TDRD7: variants seen among roughly 807,000 people sequenced by gnomAD.
TDRD7 encodes the protein tudor domain-containing protein 7.
A neutral mutation model predicts 109.8 loss-of-function variants in TDRD7; 47 were observed. That is an observed-to-expected ratio of 0.43 (90% CI 0.34 to 0.55). TDRD7 has a LOEUF of 0.55. Among genes scored for constraint, TDRD7 ranks in the 20% least tolerant of loss-of-function variants. The pLI is 0.03. For missense variants in TDRD7, 1,164 were observed against 1,319.2 expected, an observed-to-expected ratio of 0.88 and a Z score of 1.82; for synonymous variants, 424 against 457.3, an observed-to-expected ratio of 0.93 and a Z score of 0.93.
intron 6 of TDRD7, among the ~76,000 whole-genome samples, chr9:97,450,248 A>G (rs1185463875): frequency 6.6e-6 from 1 of 152,140 alleles, no homozygotes; most frequent in Admixed American, 6.5e-5. Context: ...TTTTGGGTGG[A>G]CATTCAGAAC....
chr9:97,485,513 T>G (rs1564215998), intron 15 of TDRD7, among the ~76,000 whole-genome samples: 1 of 152,242 alleles, frequency 6.6e-6, no homozygotes, highest in Non-Finnish European at 1.5e-5. Flanking sequence ...CTGTACAATT[T>G]TAAGATGACG....
At chr9:97,435,280 G>A (rs1444499660) in intron 4 of TDRD7, among the ~76,000 whole-genome samples, 1 of 152,052 alleles carries the variant, frequency 6.6e-6, no homozygotes, top group Admixed American at 6.6e-5. Context: ...GGACCTCTAA[G>A]TACACTTTTT....
At chr9:97,428,417 C>T (rs977179902) in intron 1 of TDRD7, 43 bp from the exon 2 acceptor site, 12 of 1,575,950 alleles carry the variant, frequency 7.6e-6, no homozygotes, top group African/African-American at 5.4e-5. Context: ...AATTCACAAA[C>T]GAATGAGCCA....
chr9:97,472,003 AT>A (rs1828924273), intron 9 of TDRD7, among the ~76,000 whole-genome samples: 1 of 152,180 alleles, frequency 6.6e-6, no homozygotes. Context: ...GTGTTCATGT[AT>A]AAAGTGAAGA....
chr9:97,462,451 C>T (rs1224820309), intron 7 of TDRD7, among the ~76,000 whole-genome samples: 1 of 152,172 alleles, frequency 6.6e-6, no homozygotes, highest in Non-Finnish European at 1.5e-5. Flanking sequence ...TTATTGGCTT[C>T]TGCCCTCCCC....
At chr9:97,451,497 C>T (rs111509749) in intron 6 of TDRD7, among the ~76,000 whole-genome samples, 36 of 152,218 alleles carry the variant, frequency 2.4e-4, no homozygotes, top group African/African-American at 6.3e-4. Flanking sequence ...TATGTTGCCC[C>T]GGCTGGTCTT....
At chr9:97,490,786 T>C (rs1223874555) in intron 16 of TDRD7, among the ~76,000 whole-genome samples, 1 of 151,912 alleles carries the variant, frequency 6.6e-6, no homozygotes, top group Non-Finnish European at 1.5e-5. Flanking sequence ...AAAGTTTCTG[T>C]TGTCATATCC....
In TDRD7 at chr9:97,472,330, G is replaced by T. The variant is rs1251210738; in HGVS notation, c.1779G>T (p.Lys593Asn). Reference sequence around the variant, plus strand: ...TAAGCGATGACCCTGATCTAGTGAAGGTGGTTGAATCTTTAACTTGTGGAA... The same window carrying T: ...TAAGCGATGACCCTGATCTAGTGAATGTGGTTGAATCTTTAACTTGTGGAA... ...EVLSDDPDLV[K>N]VVESLTCGKI... The change falls in exon 10 of 17, where the codon AAG (lysine) becomes AAT (asparagine). Residue 593 changes from lysine to asparagine, a missense_variant. Physicochemically the swap from Lys to Asn is moderately conservative, Grantham distance 94. This residue lies in a region of TDRD7 where 261 missense variants were observed against 336.2 expected (regional missense o/e 0.78). Coordinates refer to ENST00000355295, the MANE Select transcript of TDRD7 (RefSeq NM_014290.3). 6 of 1,613,768 alleles carry T rather than the reference G, an allele frequency of 3.7e-6. No homozygotes were observed. Among genetic ancestry groups the T allele is most frequent in the Admixed American group, 1.7e-5 (1 of 59,972 alleles).
Position 97,423,789 on chromosome 9 carries a change from T to C in TDRD7, c.-6-4671T>C, listed in dbSNP as rs143644918. Among the ~76,000 whole-genome samples the C allele has an allele frequency of 8.0e-4, 122 of 152,262 alleles. No homozygotes were observed. The East Asian group carries it at 0.014, about 17-fold the overall frequency. On this transcript the variant is annotated intron_variant, in intron 1 of 16. Coordinates refer to ENST00000355295, the MANE Select transcript of TDRD7 (RefSeq NM_014290.3). The stretch of plus-strand genomic sequence containing the variant: ...CCCTTGGTTATTTAGAAGTATCTTG[T>C]TAAATTTGCATGGAGATTGTTCACA...
chr9:97,466,798 G>A (rs1828828536), intron 8 of TDRD7, among the ~76,000 whole-genome samples: 1 of 152,148 alleles, frequency 6.6e-6, no homozygotes, highest in Non-Finnish European at 1.5e-5. Flanking sequence ...GAGGTGGAGG[G>A]GGGCTAATTG....
chr9:97,479,040 G>A (rs778833805), intron 13 of TDRD7, among the ~76,000 whole-genome samples: 1 of 151,978 alleles, frequency 6.6e-6, no homozygotes, highest in Non-Finnish European at 1.5e-5. Context: ...ATTCATGAAT[G>A]TTCAGATGAT....
intron 6 of TDRD7, among the ~76,000 whole-genome samples, chr9:97,445,243 G>T (rs7042722): frequency 6.6e-6 from 1 of 151,958 alleles, no homozygotes; most frequent in African/African-American, 2.4e-5. Flanking sequence ...GGCTGTTCTA[G>T]AGCAGTAGTC....
chr9:97,465,327 A>AT (rs1828805228), intron 8 of TDRD7, among the ~76,000 whole-genome samples: 1 of 152,222 alleles, frequency 6.6e-6, no homozygotes, highest in African/African-American at 2.4e-5. Flanking sequence ...TATAATGAAT[A>AT]CTGACCAGAA....
intron 15 of TDRD7, among the ~76,000 whole-genome samples, chr9:97,486,579 C>T (rs959194996): frequency 2.0e-5 from 3 of 152,086 alleles, no homozygotes; most frequent in Non-Finnish European, 4.4e-5. Context: ...TTGTACAAAA[C>T]TGATTTGATC....
chr9:97,482,927 A>G lies in TDRD7; in HGVS notation c.2491A>G (p.Ser831Gly), dbSNP rs886063214. 1.2e-6 allele frequency: 2 copies of G among 1,614,238 alleles called. No individual in the cohort carries two copies. The highest frequency in any genetic ancestry group is 1.7e-6 in the Non-Finnish European group (2 of 1,180,038). Residue 831 changes from serine to glycine, a missense_variant, in exon 15 of 17, where the codon AGT (serine) becomes GGT (glycine). Physicochemically the swap from Ser to Gly is moderately conservative, Grantham distance 56 (BLOSUM62 0). Around this residue, in one of 5 missense-constraint regions of TDRD7, gnomAD observed 233 missense variants for 218.0 expected, o/e 1.07. Transcript: ENST00000355295. ...TPKNFPDPHR[S>G]INRQITNADL... Reference sequence around the variant, plus strand: ...TAAGAACTTCCCTGACCCTCATCGCAGTATTAATCGCCAGATTACAAATGC... The same window carrying G: ...TAAGAACTTCCCTGACCCTCATCGCGGTATTAATCGCCAGATTACAAATGC...
At chr9:97,493,700 C>G (rs1829343436) in intron 16 of TDRD7, among the ~76,000 whole-genome samples, 1 of 152,180 alleles carries the variant, frequency 6.6e-6, no homozygotes, top group African/African-American at 2.4e-5. Flanking sequence ...TTATTTCATC[C>G]CTACAGCAGT....
At chr9:97,456,336 T>C (rs943274627) in intron 6 of TDRD7, among the ~76,000 whole-genome samples, 1 of 152,230 alleles carries the variant, frequency 6.6e-6, no homozygotes, top group Non-Finnish European at 1.5e-5. Flanking sequence ...TTAAATTTCA[T>C]ATGGAATCAA....
chr9:97,413,703 C>G lies in TDRD7; in HGVS notation c.-7+1465C>G, dbSNP rs143690823. ...GCCCCTGGGGCCAGCTGGATTAGCACTCACATCTCCTGTGCCCCAATCCAG... is the reference window on the plus strand; with the variant it reads ...GCCCCTGGGGCCAGCTGGATTAGCAGTCACATCTCCTGTGCCCCAATCCAG... On this transcript the variant is annotated intron_variant, in intron 1 of 16. Coordinates refer to ENST00000355295, the MANE Select transcript of TDRD7 (RefSeq NM_014290.3). Among the ~76,000 whole-genome samples, 552 of 152,368 alleles carry G rather than the reference C, an allele frequency of 3.6e-3. 3 individuals carry two copies. The highest frequency in any genetic ancestry group is 6.1e-3 in the Non-Finnish European group (417 of 68,032).
intron 1 of TDRD7, among the ~76,000 whole-genome samples, chr9:97,420,342 A>T (rs1827877876): frequency 8.0e-6 from 1 of 125,556 alleles, no homozygotes; most frequent in Non-Finnish European, 1.6e-5. Context: ...ACAGAGAAGC[A>T]TAGCTTAAAA....
Sources: gnomAD v4.1 joint callset for allele counts (sites outside exome capture counted in the v4.1 genomes callset) on GRCh38, gnomAD v4.1.1 for gene constraint, gnomAD v4.1.1 regional missense constraint, MANE v1.5 for transcripts, NCBI Gene and HGNC (gene_info 2026-07-23, HGNC 2026-07-21) for gene names.